Variants in ATP6V1A observed in about 807,000 individuals in gnomAD.
ATP6V1A encodes ATPase H+ transporting V1 subunit A, also known as V-type proton ATPase catalytic subunit A.
A neutral mutation model predicts 70.1 loss-of-function variants in ATP6V1A; 18 were observed. The ratio of observed to expected loss-of-function variants is 0.26; its 90% CI spans 0.18 to 0.38. ATP6V1A has a LOEUF of 0.38. Ranked by LOEUF, ATP6V1A falls within the 10% of genes least tolerant of loss-of-function variation. ATP6V1A has a pLI of 1.00. For synonymous variants in ATP6V1A, 232 were observed against 253.8 expected, an observed-to-expected ratio of 0.91 and a Z score of 0.82; for missense variants, 424 against 772.4, an observed-to-expected ratio of 0.55 and a Z score of 5.35.
At chr3:113,792,153 T>G (rs952623609) in intron 8 of ATP6V1A, among the ~76,000 whole-genome samples, 2 of 152,360 alleles carry the variant, frequency 1.3e-5, no homozygotes, top group East Asian at 3.9e-4. Context: ...TTAAGAAAGC[T>G]ACCTTATTCT....
chr3:113,781,406 G>A (rs552828396), intron 3 of ATP6V1A, among the ~76,000 whole-genome samples: 33 of 151,980 alleles, frequency 2.2e-4, no homozygotes, highest in African/African-American at 6.3e-4. Context: ...AATCCCAGCC[G>A]CTTGGGAGGC....
rs1239570540 is a variant in ATP6V1A, at chr3:113,810,427, T to C, written c.*1000T>C. ...CCCTCTAAAAAAGAGAAAAAAAAAA[T>C]CAGGCGGTCAAACTTAGAGCAACAT... On this transcript the variant is annotated 3_prime_UTR_variant, in exon 15 of 15. Transcript: ENST00000273398. The C allele has an allele frequency of 2.0e-5, 3 of 151,828 alleles. No homozygotes were observed. The highest frequency in any genetic ancestry group is 2.9e-5 in the Non-Finnish European group (2 of 67,962). 9.4% of individuals were successfully genotyped at this position (151,828 alleles called of 1,614,324 possible). A position where few individuals can be genotyped will look rare whatever the true frequency, so the allele number is the denominator to read the frequency against.
intron 14 of ATP6V1A, 69 bp downstream of exon 14, chr3:113,805,594 G>A: frequency 2.7e-6 from 4 of 1,455,272 alleles, no homozygotes; most frequent in Non-Finnish European, 3.8e-6. Context: ...TTTTTAGACA[G>A]AGTCTCACTC....
intron 14 of ATP6V1A, among the ~76,000 whole-genome samples, 190 bp downstream of exon 14, chr3:113,805,715 C>T (rs967969340): frequency 1.3e-5 from 2 of 152,076 alleles, no homozygotes; most frequent in Non-Finnish European, 2.9e-5. Flanking sequence ...ACGACAGGTG[C>T]GTGCCAGCAC....
intron 1 of ATP6V1A, among the ~76,000 whole-genome samples, chr3:113,774,875 TACTC>T (rs1223121575): frequency 6.6e-6 from 1 of 152,036 alleles, no homozygotes; most frequent in Non-Finnish European, 1.5e-5. Context: ...TACTCTTCAG[TACTC>T]ACTCATACAG....
At position 113,803,639 on chromosome 3, in the gene ATP6V1A, T is replaced by C. The variant is rs142842301; in HGVS notation, c.1551T>C (p.Asp517=). The change falls in exon 13 of 15, where the codon GAT becomes GAC. Residue 517 remains aspartate, a synonymous_variant. Transcript: ENST00000273398. ...ITLEVAKLIK[D]DFLQQNGYTP... is the part of the protein sequence containing the mutation. Reference sequence around the variant, plus strand: ...TGGAGGTAGCAAAACTTATCAAAGATGATTTCCTACAACAAAATGGATATA... The same window carrying C: ...TGGAGGTAGCAAAACTTATCAAAGACGATTTCCTACAACAAAATGGATATA... 7.4e-6 allele frequency: 12 copies of C among 1,611,892 alleles called. No homozygotes were observed. The African/African-American group carries it at 1.5e-4, about 20-fold the overall frequency.
At chr3:113,779,062 T>C (rs980394455) in intron 2 of ATP6V1A, 4 of 338,654 alleles carry the variant, frequency 1.2e-5, no homozygotes, top group Non-Finnish European at 2.1e-5. Context: ...CTTTGTGATA[T>C]CCTGTTTATA....
chr3:113,795,227 T>G (rs1295966520), intron 10 of ATP6V1A, 23 bp downstream of exon 10: 16 of 1,602,286 alleles, frequency 1.0e-5, no homozygotes, highest in Non-Finnish European at 1.4e-5. Context: ...ACTATTTACT[T>G]TGCAAAAGGA....
intron 12 of ATP6V1A, among the ~76,000 whole-genome samples, chr3:113,802,174 G>A (rs1040879748): frequency 6.6e-6 from 1 of 152,120 alleles, no homozygotes; most frequent in South Asian, 2.1e-4. Context: ...CATACTTACT[G>A]TACTTCATAG....
rs746407800 is a variant in ATP6V1A, at chr3:113,778,784, G to T, written c.31G>T (p.Asp11Tyr). ...TTTTTCCAAGCTACCCAAAATACTC[G>T]ATGAAGATAAAGAAAGCACATTTGG... The part of the protein sequence containing the change: MDFSKLPKIL[D>Y]EDKESTFGYV... Residue 11 changes from aspartate to tyrosine, a missense_variant, in exon 2 of 15, where the codon GAT becomes TAT. Around this residue, in one of 9 missense-constraint regions of ATP6V1A, gnomAD observed 21 missense variants for 20.4 expected, o/e 1.03. Coordinates refer to ENST00000273398, the MANE Select transcript of ATP6V1A (RefSeq NM_001690.4). 1 of 1,593,834 alleles carries T rather than the reference G, an allele frequency of 6.3e-7. No homozygotes were observed. The highest frequency in any genetic ancestry group is 1.1e-5 in the South Asian group (1 of 87,166).
Position 113,809,691 on chromosome 3 carries a change from A to C in ATP6V1A, c.*264A>C, listed in dbSNP as rs554201068. On this transcript the variant is annotated 3_prime_UTR_variant, in exon 15 of 15. Transcript: ENST00000273398. ...ATATACATTCTGGTTACACTACTGT[A>C]AACTTGTATGTAGGGTGATGACCCT... 3.5e-6 allele frequency: 1 copy of C among 282,754 alleles called. No homozygotes were observed. The highest frequency in any genetic ancestry group is 6.5e-5 in the East Asian group (1 of 15,446). The allele number at this position is 282,754 out of a possible 1,614,324, so 17.5% of individuals were successfully genotyped here.
In ATP6V1A at chr3:113,753,058, G is replaced by A. The variant is rs574853577; in HGVS notation, c.-14+5945G>A. Among the ~76,000 whole-genome samples, 11 of 151,912 alleles carry A rather than the reference G, an allele frequency of 7.2e-5. No homozygotes were observed. In the East Asian group the frequency reaches 7.7e-4, roughly 11 times the overall value. ...TAAAGGACCAAAGACAAAATCAGGC[G>A]GAAAAAAAGGCTTGAGATATATGTA... is the stretch of plus-strand genomic sequence containing the variant. On this transcript the variant is annotated intron_variant, in intron 1 of 14. Transcript: ENST00000273398.
chr3:113,802,835 G>T (rs1709230741), intron 12 of ATP6V1A: 1 of 151,986 alleles, frequency 6.6e-6, no homozygotes, highest in African/African-American at 2.4e-5. Context: ...GGTAATTTTT[G>T]TATTTTTTGT....
intron 5 of ATP6V1A, 123 bp downstream of exon 5, chr3:113,784,956 T>C: frequency 9.3e-7 from 1 of 1,070,992 alleles, no homozygotes; most frequent in Non-Finnish European, 1.3e-6. Context: ...GTAACTCCTA[T>C]AATTTTTGAA....
At chr3:113,772,642 G>A (rs1179409725) in intron 1 of ATP6V1A, among the ~76,000 whole-genome samples, 1 of 151,518 alleles carries the variant, frequency 6.6e-6, no homozygotes, top group Non-Finnish European at 1.5e-5. Flanking sequence ...GCTGGAGAAT[G>A]GCGTGAACCT....
chr3:113,808,790 G>A (rs527844014), intron 14 of ATP6V1A, among the ~76,000 whole-genome samples: 1 of 152,224 alleles, frequency 6.6e-6, no homozygotes, highest in South Asian at 2.1e-4. Flanking sequence ...AAAGGCTTTG[G>A]TCACTGAATG....
intron 8 of ATP6V1A, 90 bp from the exon 9 acceptor site, chr3:113,794,782 T>C: frequency 1.4e-6 from 2 of 1,436,568 alleles, no homozygotes; most frequent in Non-Finnish European, 1.9e-6. Flanking sequence ...CGTTGTGTAC[T>C]TATTGCTTTA....
chr3:113,789,623 G>A (rs1709070932), intron 7 of ATP6V1A, 109 bp from the exon 8 acceptor site: 1 of 696,486 alleles, frequency 1.4e-6, no homozygotes, highest in African/African-American at 1.8e-5. Context: ...AACACTGATT[G>A]TAAGAGGCAT....
rs554194481 is a variant in ATP6V1A, at chr3:113,790,927, G to A, written c.988+1087G>A. Among the ~76,000 whole-genome samples the A allele has an allele frequency of 1.8e-3, 268 of 152,186 alleles. 1 individual carries two copies. The highest frequency in any genetic ancestry group is 6.1e-3 in the African/African-American group (255 of 41,542). ...AATGCTGGGGACATTAAAAGCTGAA[G>A]CTGGCCTCTTTTTTTCCTTTTGTAG... On this transcript the variant is annotated intron_variant, in intron 8 of 14. Transcript: ENST00000273398.
Sources: allele counts gnomAD v4.1 joint callset (sites outside exome capture counted in the v4.1 genomes callset), GRCh38; gene constraint gnomAD v4.1.1; regional missense constraint gnomAD v4.1.1; transcripts MANE v1.5; gene names NCBI Gene and HGNC (gene_info 2026-07-23, HGNC 2026-07-21).